Variants in TTPA observed in about 807,000 individuals in gnomAD.
The protein encoded by TTPA is alpha-tocopherol transfer protein.
A neutral mutation model predicts 25.9 loss-of-function variants in TTPA; 23 were observed. The ratio of observed to expected loss-of-function variants is 0.89; its 90% confidence interval spans 0.64 to 1.26. TTPA has a LOEUF of 1.26. Ranked by LOEUF, TTPA falls within the 50% of genes most tolerant of loss-of-function variation. The probability of loss-of-function intolerance (pLI) is 0.00; values close to 1 mark genes in which losing one functional copy is unlikely to be tolerated. For synonymous variants in TTPA, 148 were observed against 137.3 expected (o/e 1.08, Z -0.54); for missense variants, 337 against 353.1 (o/e 0.95, Z 0.37).
intron 1 of TTPA, among the ~76,000 whole-genome samples, chr8:63,082,916 G>A (rs1424105430): frequency 1.3e-5 from 2 of 152,138 alleles, no homozygotes; most frequent in African/African-American, 4.8e-5. Context: ...TCAGAGAAAT[G>A]CAAATCAAAA....
chr8:63,069,873 A>C (rs2129755392), intron 2 of TTPA, among the ~76,000 whole-genome samples: 1 of 152,364 alleles, frequency 6.6e-6, no homozygotes, highest in Middle Eastern at 3.4e-3. Flanking sequence ...GCTAGAATTT[A>C]AGCTCCATTG....
chr8:63,075,783 T>C (rs1247647203), intron 1 of TTPA, among the ~76,000 whole-genome samples: 7 of 138,692 alleles, frequency 5.0e-5, no homozygotes, highest in African/African-American at 1.9e-4. Flanking sequence ...AGGAGCAGAG[T>C]GGAAACTGAA....
rs1211032586 is a variant in TTPA, at chr8:63,073,000, GCCT to G, written c.290_292del (p.Lys97_Ala98delinsThr). 6.2e-7 allele frequency: 1 copy of G among 1,614,030 alleles called. No homozygotes were observed. The highest frequency in any genetic ancestry group is 1.1e-5 in the South Asian group (1 of 91,078). The stretch of plus-strand genomic sequence containing the variant: ...GGATCTCAGGACTCCATGGTAGCCA[GCCT>G]TTAGGAGGCCAATAATACTTCTAGG... On this transcript the variant is annotated inframe_deletion, in exon 2 of 5. Coordinates refer to ENST00000260116, the MANE Select transcript of TTPA (RefSeq NM_000370.3).
At chr8:63,069,487 T>C (rs548245952) in intron 2 of TTPA, among the ~76,000 whole-genome samples, 3 of 152,152 alleles carry the variant, frequency 2.0e-5, no homozygotes, top group African/African-American at 7.2e-5. Context: ...CCCAGCACTT[T>C]GTGGGTCTGA....
chr8:63,079,590 T>C (rs1323601248), intron 1 of TTPA, among the ~76,000 whole-genome samples: 3 of 152,116 alleles, frequency 2.0e-5, no homozygotes, highest in Non-Finnish European at 4.4e-5. Context: ...GGTCATTATA[T>C]AATGGTAAAG....
At chr8:63,070,976 T>A (rs1176503803) in intron 2 of TTPA, among the ~76,000 whole-genome samples, 1 of 116,334 alleles carries the variant, frequency 8.6e-6, no homozygotes, top group Non-Finnish European at 1.7e-5. Flanking sequence ...AAAAAAACTG[T>A]TGTTTATCTG....
intron 3 of TTPA, 54 bp from the exon 4 acceptor site, chr8:63,064,370 C>A: frequency 8.1e-7 from 1 of 1,237,852 alleles, no homozygotes; most frequent in South Asian, 1.3e-5. Flanking sequence ...CAATCTGATA[C>A]CTAATGTCAA....
intron 1 of TTPA, among the ~76,000 whole-genome samples, chr8:63,083,657 C>G (rs1441916014): frequency 6.7e-6 from 1 of 150,008 alleles, no homozygotes; most frequent in Admixed American, 6.6e-5. Context: ...AGAACAAAAG[C>G]AAAAACAGGC....
intron 2 of TTPA, among the ~76,000 whole-genome samples, chr8:63,072,110 C>T (rs374018339): frequency 1.6e-4 from 24 of 152,178 alleles, no homozygotes; most frequent in Non-Finnish European, 2.6e-4. Context: ...GGGGCATTTT[C>T]GAACTAGTCA....
rs1805740823 is a variant in TTPA, at chr8:63,085,811, C to T, written c.204+7G>A. On this transcript the variant is annotated splice_region_variant and intron_variant, in intron 1 of 4. Coordinates refer to ENST00000260116, the MANE Select transcript of TTPA (RefSeq NM_000370.3). ...CACTGCCGAGCGCCCTGGGCACGCACGCTTACCCGCCAGGCCAGGTCCAGA... is the reference window on the plus strand; with the variant it reads ...CACTGCCGAGCGCCCTGGGCACGCATGCTTACCCGCCAGGCCAGGTCCAGA... 6.5e-7 allele frequency: 1 copy of T among 1,534,310 alleles called. No individual in the cohort carries two copies.
At chr8:63,075,021 A>G (rs1805540386) in intron 1 of TTPA, among the ~76,000 whole-genome samples, 1 of 152,228 alleles carries the variant, frequency 6.6e-6, no homozygotes, top group African/African-American at 2.4e-5. Flanking sequence ...AATTTTTGCA[A>G]ACTGAAAGAT....
chr8:63,074,476 T>A (rs1398578202), intron 1 of TTPA, among the ~76,000 whole-genome samples: 2 of 152,156 alleles, frequency 1.3e-5, no homozygotes, highest in African/African-American at 4.8e-5. Context: ...TTGCTAAGAG[T>A]TAAATGCAAG....
At chr8:63,084,486 T>C (rs1805715809) in intron 1 of TTPA, among the ~76,000 whole-genome samples, 1 of 152,218 alleles carries the variant, frequency 6.6e-6, no homozygotes, top group Admixed American at 6.5e-5. Context: ...TACATTTTAA[T>C]ATAGTCTAAT....
intron 4 of TTPA, 74 bp downstream of exon 4, chr8:63,064,132 A>G: frequency 9.2e-7 from 1 of 1,091,572 alleles, no homozygotes; most frequent in East Asian, 2.5e-5. Context: ...GAAAGATGAT[A>G]AAGCAATCCT....
chr8:63,063,833 T>G (rs1433066398), intron 4 of TTPA, among the ~76,000 whole-genome samples: 1 of 152,132 alleles, frequency 6.6e-6, no homozygotes, highest in Non-Finnish European at 1.5e-5. Context: ...GAACACTTCC[T>G]GGTTTTCAGT....
At chr8:63,064,003 ACAACCAAT>A (rs1346765614) in intron 4 of TTPA, among the ~76,000 whole-genome samples, 195 bp downstream of exon 4, 26 of 152,318 alleles carry the variant, frequency 1.7e-4, no homozygotes, top group African/African-American at 4.3e-4. Context: ...CCACAGTCTT[ACAACCAAT>A]ATACTTGATT....
chr8:63,070,396 C>T (rs1376939374), intron 2 of TTPA, among the ~76,000 whole-genome samples: 3 of 152,136 alleles, frequency 2.0e-5, no homozygotes, highest in Non-Finnish European at 4.4e-5. Context: ...GGTGGTTATG[C>T]TAAAGTTCTA....
At chr8:63,064,106 G>C in intron 4 of TTPA, 100 bp downstream of exon 4, 1 of 804,350 alleles carries the variant, frequency 1.2e-6, no homozygotes, top group Non-Finnish European at 2.1e-6. Context: ...TAATGATATA[G>C]ATGGGCAGGT....
chr8:63,069,593 A>G (rs1805450971), intron 2 of TTPA, among the ~76,000 whole-genome samples: 1 of 152,052 alleles, frequency 6.6e-6, no homozygotes, highest in African/African-American at 2.4e-5. Context: ...AAACTGGCTG[A>G]GTGTGGTAGC....
Sources: gnomAD v4.1 joint callset for allele counts (sites outside exome capture counted in the v4.1 genomes callset) on GRCh38, gnomAD v4.1.1 for gene constraint, MANE v1.5 for transcripts, NCBI Gene and HGNC (gene_info 2026-07-23, HGNC 2026-07-21) for gene names.